PPFIA1: variants seen among roughly 807,000 people sequenced by gnomAD.
The protein encoded by PPFIA1 is liprin-alpha-1.
PPFIA1 carries 25 observed loss-of-function variants against 149.9 expected under a neutral mutation model. The observed-to-expected ratio is 0.17, with a 90% CI of 0.12 to 0.23. The LOEUF (loss-of-function observed/expected upper bound fraction) is 0.23. Among genes scored for constraint, PPFIA1 ranks in the 10% least tolerant of loss-of-function variants. PPFIA1 has a pLI of 1.00. For missense variants in PPFIA1, 1,362 were observed against 1,506.5 expected (o/e 0.90, Z 1.59); for synonymous variants, 549 against 552.8 (o/e 0.99, Z 0.10).
chr11:70,329,309 G>A (rs2054517043), intron 7 of PPFIA1, among the ~76,000 whole-genome samples: 1 of 152,186 alleles, frequency 6.6e-6, no homozygotes, highest in Non-Finnish European at 1.5e-5. Context: ...GGTCAACTGA[G>A]TGGCCAGACA....
chr11:70,272,435 A>G lies in PPFIA1; in HGVS notation c.263A>G (p.Gln88Arg), dbSNP rs1192909472. 5.6e-6 allele frequency: 9 copies of G among 1,603,534 alleles called. No homozygotes were observed. Among genetic ancestry groups the G allele is most frequent in the African/African-American group, 1.3e-5 (1 of 74,434 alleles). The change falls in exon 2 of 28, where the codon CAG (glutamine) becomes CGG (arginine). Residue 88 changes from glutamine to arginine, a missense_variant and splice_region_variant. Gln to Arg is a conservative substitution (Grantham distance 43). This residue lies in a region of PPFIA1 where 79 missense variants were observed against 146.2 expected (regional missense o/e 0.54). Coordinates refer to ENST00000253925, the MANE Select transcript of PPFIA1 (RefSeq NM_003626.5). Reference sequence around the variant, plus strand: ...AGACAGCTCAACACGGCACTTCCACAGGTATGAGTGCTTTTAACCTGAAAC... The same window carrying G: ...AGACAGCTCAACACGGCACTTCCACGGGTATGAGTGCTTTTAACCTGAAAC... ...LQRQLNTALP[Q>R]EFAALTKELN...
chr11:70,377,879 C>A, intron 25 of PPFIA1, 151 bp from the exon 26 acceptor site: 1 of 672,434 alleles, frequency 1.5e-6, no homozygotes, highest in Non-Finnish European at 2.5e-6. Flanking sequence ...CCAGGTTGGG[C>A]AATATATTGT....
At chr11:70,358,512 C>G (rs921425048) in intron 19 of PPFIA1, 1 of 152,210 alleles carries the variant, frequency 6.6e-6, no homozygotes, top group South Asian at 2.1e-4. Context: ...CGTGAGCCAC[C>G]ACGCCTGGCC....
chr11:70,360,091 G>A (rs921747052), intron 19 of PPFIA1, among the ~76,000 whole-genome samples: 2 of 152,220 alleles, frequency 1.3e-5, no homozygotes, highest in Admixed American at 1.3e-4. Context: ...GCCTGGGCCC[G>A]CCACCCAGAT....
chr11:70,311,149 A>G (rs1051893058), intron 2 of PPFIA1, among the ~76,000 whole-genome samples: 7 of 152,122 alleles, frequency 4.6e-5, no homozygotes, highest in African/African-American at 1.7e-4. Flanking sequence ...GTCTCTACTA[A>G]AAATACAAAA....
chr11:70,274,834 T>G (rs1339017233), intron 2 of PPFIA1, among the ~76,000 whole-genome samples: 1 of 152,132 alleles, frequency 6.6e-6, no homozygotes, highest in East Asian at 1.9e-4. Flanking sequence ...TTCTCCTGCC[T>G]CAGCCTCCCA....
At chr11:70,291,963 G>A (rs1158597561) in intron 2 of PPFIA1, among the ~76,000 whole-genome samples, 4 of 149,542 alleles carry the variant, frequency 2.7e-5, no homozygotes, top group East Asian at 4.0e-4. Context: ...TCAGCCTCCC[G>A]AGTAGCTGGG....
At chr11:70,356,284 T>G in intron 19 of PPFIA1, 30 bp downstream of exon 19, 1 of 1,558,022 alleles carries the variant, frequency 6.4e-7, no homozygotes, top group Non-Finnish European at 8.9e-7. Flanking sequence ...TTCATCTCAT[T>G]GAATGGTTTT....
chr11:70,279,960 G>A (rs895303299), intron 2 of PPFIA1, among the ~76,000 whole-genome samples: 20 of 148,902 alleles, frequency 1.3e-4, no homozygotes, highest in Admixed American at 7.3e-4. Flanking sequence ...CCAGGCTGTA[G>A]TGTAGTGGTG....
At chr11:70,307,892 C>G (rs1021453263) in intron 2 of PPFIA1, among the ~76,000 whole-genome samples, 2 of 152,206 alleles carry the variant, frequency 1.3e-5, no homozygotes, top group Non-Finnish European at 2.9e-5. Flanking sequence ...CAGCACGGCA[C>G]TCCAGCCTGG....
chr11:70,348,958 A>C (rs988290797), intron 16 of PPFIA1, among the ~76,000 whole-genome samples: 1 of 152,184 alleles, frequency 6.6e-6, no homozygotes, highest in Non-Finnish European at 1.5e-5. Flanking sequence ...GACATTAGGC[A>C]TGACATCTGT....
chr11:70,369,870 C>T (rs1410577106), intron 21 of PPFIA1, among the ~76,000 whole-genome samples: 4 of 151,744 alleles, frequency 2.6e-5, no homozygotes, highest in African/African-American at 4.8e-5. Flanking sequence ...CACCTGGACT[C>T]AAGCCATCCT....
intron 2 of PPFIA1, among the ~76,000 whole-genome samples, chr11:70,295,103 G>A (rs2136250397): frequency 6.6e-6 from 1 of 152,196 alleles, no homozygotes; most frequent in South Asian, 2.1e-4. Context: ...GCCGGGCAGA[G>A]GGGCTCCTTA....
chr11:70,378,130 C>A lies in PPFIA1; in HGVS notation c.3485C>A (p.Ala1162Glu), dbSNP rs776633301. Residue 1162 changes from alanine to glutamate, a missense_variant, in exon 26 of 28, where the codon GCA becomes GAA. Physicochemically the swap from Ala to Glu is moderately radical, Grantham distance 107 (BLOSUM62 -1). Coordinates refer to ENST00000253925, the MANE Select transcript of PPFIA1 (RefSeq NM_003626.5). ...LAAGSAETLPANFRVTSSMSS... is the reference protein window; with the variant it reads ...LAAGSAETLPENFRVTSSMSS... ...GCTGGGTCAGCAGAGACTCTCCCTG[C>A]AAACTTCCGGGTGACTTCTTCTATG... 9.9e-6 allele frequency: 16 copies of A among 1,614,196 alleles called. No individual in the cohort carries two copies. Among genetic ancestry groups the A allele is most frequent in the East Asian group, 2.2e-5 (1 of 44,884 alleles).
chr11:70,301,804 G>T (rs1420762368), intron 2 of PPFIA1, among the ~76,000 whole-genome samples: 1 of 152,174 alleles, frequency 6.6e-6, no homozygotes, highest in Non-Finnish European at 1.5e-5. Flanking sequence ...TTAAAGTAGA[G>T]GGTGAAACCA....
rs369347815 is a variant in PPFIA1, at chr11:70,333,817, C to T, written c.1296+264C>T. On this transcript the variant is annotated intron_variant, in intron 10 of 27. Transcript: ENST00000253925. ...GTACTTCAGGTGTCCAAAAATGCTT[C>T]TTGCTTGTCTAGCGGCCTATCAGGG... Among the ~76,000 whole-genome samples the T allele has an allele frequency of 2.6e-5, 4 of 152,326 alleles. No homozygotes were observed. In the South Asian group the frequency reaches 6.2e-4, roughly 24 times the overall value.
chr11:70,300,909 G>A (rs2052447269), intron 2 of PPFIA1, among the ~76,000 whole-genome samples: 1 of 152,144 alleles, frequency 6.6e-6, no homozygotes, highest in Non-Finnish European at 1.5e-5. Context: ...GCCATGAGGG[G>A]GCAAAAGAAA....
At chr11:70,271,877 AAGTAC>A (rs1396042146) in intron 1 of PPFIA1, 2 of 216,258 alleles carry the variant, frequency 9.2e-6, no homozygotes, top group African/African-American at 4.6e-5. Flanking sequence ...CAGCAAAAAC[AAGTAC>A]AGCTTTGCAA....
chr11:70,286,976 T>C (rs973460039), intron 2 of PPFIA1, among the ~76,000 whole-genome samples: 3 of 138,820 alleles, frequency 2.2e-5, no homozygotes, highest in African/African-American at 3.1e-5. Context: ...TATACACATA[T>C]ATGCACATAC....
Sources: allele counts gnomAD v4.1 joint callset (sites outside exome capture counted in the v4.1 genomes callset), GRCh38; gene constraint gnomAD v4.1.1; regional missense constraint gnomAD v4.1.1; transcripts MANE v1.5; gene names NCBI Gene and HGNC (gene_info 2026-07-23, HGNC 2026-07-21).